Variants in NEB observed in about 807,000 individuals in gnomAD.
NEB encodes nemaline myopathy type 2.
Under a neutral mutation model 952.2 loss-of-function variants are expected in NEB, and 512 were observed. That is an observed-to-expected ratio of 0.54 (90% CI 0.50 to 0.58). The LOEUF is 0.58. Ranked by LOEUF, NEB falls within the 20% of genes least tolerant of loss-of-function variation. The pLI is 0.00. For missense variants in NEB, 8,428 were observed against 9,231.1 expected (o/e 0.91, Z 3.56); for synonymous variants, 2,900 against 3,149.8 (o/e 0.92, Z 2.66).
rs776095941 is a variant in NEB, at chr2:151,570,355, T to A, written c.17156A>T (p.His5719Leu). ...YKLDHEKQKG[H>L]YVGTLTARDD... ...CCTGGCTGTGAGGGTGCCCACGTAG[T>A]GTCCCTTCTGCTTCTCATGGTCAAG... The change falls in exon 109 of 182, where the codon CAC (histidine) becomes CTC (leucine). Residue 5719 changes from histidine (H) to leucine (L), a missense_variant. By Grantham distance (99) the His-to-Leu change is moderately conservative (BLOSUM62 -3). This residue lies in a region of NEB where 3,374 missense variants were observed against 3,651.5 expected (regional missense o/e 0.92). Transcript: ENST00000397345. The A allele has an allele frequency of 1.1e-5, 17 of 1,593,284 alleles. No homozygotes were observed. The highest frequency in any genetic ancestry group is 1.7e-5 in the Admixed American group (1 of 57,928).
At chr2:151,564,902 A>C in intron 117 of NEB, 142 bp downstream of exon 117, 1 of 538,582 alleles carries the variant, frequency 1.9e-6, no homozygotes, top group Non-Finnish European at 3.3e-6. Context: ...TGGTACTTCT[A>C]ATACACAAGA....
At chr2:151,497,264 T>C in intron 171 of NEB, 1 of 911,488 alleles carries the variant, frequency 1.1e-6, no homozygotes, top group Non-Finnish European at 1.3e-6. Context: ...GGAAAGGCTG[T>C]CAGAGTTATC....
intron 109 of NEB, among the ~76,000 whole-genome samples, chr2:151,569,627 C>G (rs1417713806): frequency 6.6e-6 from 1 of 152,144 alleles, no homozygotes; most frequent in African/African-American, 2.4e-5. Flanking sequence ...TAATTCAGAG[C>G]TGTGTCCTCT....
intron 135 of NEB, among the ~76,000 whole-genome samples, chr2:151,544,513 G>A (rs1024786983): frequency 3.3e-5 from 5 of 152,212 alleles, no homozygotes; most frequent in African/African-American, 1.2e-4. Flanking sequence ...ATATTCCACA[G>A]GTGATTCTCA....
Position 151,723,389 on chromosome 2 carries a change from A to G in NEB, c.710T>C (p.Leu237Pro). 6.2e-7 allele frequency: 1 copy of G among 1,606,448 alleles called. No individual in the cohort carries two copies. The highest frequency in any genetic ancestry group is 8.5e-7 in the Non-Finnish European group (1 of 1,176,128). ...CACTTGCATTTCACTTACATCACTGAGAGCTTTCTGGGCCTGGGCAACTCT... is the reference window on the plus strand; with the variant it reads ...CACTTGCATTTCACTTACATCACTGGGAGCTTTCTGGGCCTGGGCAACTCT... ...LRRVAQAQKA[L>P]SDVAYKKGLA... The change falls in exon 9 of 182, where the codon CTC becomes CCC. Residue 237 changes from leucine to proline, a missense_variant. Around this residue, in one of 11 missense-constraint regions of NEB, gnomAD observed 2,851 missense variants for 2,791.5 expected, o/e 1.02. Transcript: ENST00000397345.
chr2:151,661,140 T>C (rs1340197294), intron 46 of NEB, among the ~76,000 whole-genome samples: 2 of 152,200 alleles, frequency 1.3e-5, no homozygotes, highest in Non-Finnish European at 2.9e-5. Flanking sequence ...TTCAACTTGA[T>C]GGTCATCAAG....
At chr2:151,679,614 C>T (rs749757964) in intron 32 of NEB, 107 bp downstream of exon 32, 5 of 695,688 alleles carry the variant, frequency 7.2e-6, no homozygotes, top group South Asian at 3.8e-5. Flanking sequence ...ATCAGATTTG[C>T]TTCCAATTGG....
At chr2:151,695,543 A>G (rs2099589820) in intron 18 of NEB, 35 bp downstream of exon 18, 1 of 1,456,142 alleles carries the variant, frequency 6.9e-7, no homozygotes, top group Non-Finnish European at 9.6e-7. Context: ...ACAGGTTGTC[A>G]GTACATCACA....
rs1392812554 is a variant in NEB, at chr2:151,576,162, T to A, written c.16897A>T (p.Asn5633Tyr). 6.3e-7 allele frequency: 1 copy of A among 1,597,076 alleles called. No homozygotes were observed. The highest frequency in any genetic ancestry group is 1.1e-5 in the South Asian group (1 of 87,696). The change falls in exon 106 of 182, where the codon AAT becomes TAT. Residue 5633 changes from asparagine (N) to tyrosine (Y), a missense_variant. By Grantham distance (143) the Asn-to-Tyr change is moderately radical (BLOSUM62 -2). Transcript: ENST00000397345. ...EVVLAKSNAENISIPKYREVW... is the reference protein window; with the variant it reads ...EVVLAKSNAEYISIPKYREVW... The stretch of plus-strand genomic sequence containing the variant: ...AAAAACTAACTCACAATACTAATAT[T>A]TTCAGCATTTGATTTAGCAAGGACC...
rs201498216 is a variant in NEB, at chr2:151,688,341, T to C, written c.2366A>G (p.Asp789Gly). Reference sequence around the variant, plus strand: ...TCTGTGTTGGATAAACTGTGGAGCATCTGCTGGTATATGGCACTTGAACTT... The same window carrying C: ...TCTGTGTTGGATAAACTGTGGAGCACCTGCTGGTATATGGCACTTGAACTT... ...GEKFKCHIPA[D>G]APQFIQHRVN... is the part of the protein sequence containing the mutation. The change falls in exon 25 of 182, where the codon GAT (aspartate) becomes GGT (glycine). Residue 789 changes from aspartate to glycine, a missense_variant. Coordinates refer to ENST00000397345, the MANE Select transcript of NEB (RefSeq NM_001164508.2). The C allele has an allele frequency of 6.2e-7, 1 of 1,613,858 alleles. No homozygotes were observed. The highest frequency in any genetic ancestry group is 8.5e-7 in the Non-Finnish European group (1 of 1,179,866).
At chr2:151,732,152 T>C (rs1039517417) in intron 3 of NEB, among the ~76,000 whole-genome samples, 8 of 152,152 alleles carry the variant, frequency 5.3e-5, no homozygotes, top group African/African-American at 1.9e-4. Flanking sequence ...AGCACAGATT[T>C]TCAAAACTGC....
intron 52 of NEB, 46 bp downstream of exon 52, chr2:151,653,946 G>T: frequency 7.8e-7 from 1 of 1,274,286 alleles, no homozygotes; most frequent in Non-Finnish European, 1.1e-6. Flanking sequence ...TAAGTCACCT[G>T]ATTCAGATAA....
At chr2:151,575,835 C>A in intron 106 of NEB, 36 bp from the exon 107 acceptor site, 1 of 1,392,742 alleles carries the variant, frequency 7.2e-7, no homozygotes, top group South Asian at 1.2e-5. Context: ...AATTACTTCA[C>A]AATTTTCATG....
intron 129 of NEB, 21 bp from the exon 130 acceptor site, chr2:151,549,761 A>T: frequency 7.0e-7 from 1 of 1,437,804 alleles, no homozygotes; most frequent in Non-Finnish European, 9.6e-7. Context: ...GAGGAAGAGC[A>T]GGTTAAATGA....
chr2:151,541,554 A>T lies in NEB; in HGVS notation c.20578-3T>A. The T allele has an allele frequency of 6.2e-7, 1 of 1,609,868 alleles. No individual in the cohort carries two copies. The highest frequency in any genetic ancestry group is 1.3e-5 in the African/African-American group (1 of 74,900). On this transcript the variant is annotated splice_polypyrimidine_tract_variant and splice_region_variant and intron_variant, in intron 135 of 181. Transcript: ENST00000397345. ...TTGCCTGCAGCTCTGTAGACCAGCT[A>T]GACATAAACCAAGTTATCACCATCA...
chr2:151,541,452 T>G lies in NEB; in HGVS notation c.20677A>C (p.Ser6893Arg). The G allele has an allele frequency of 6.2e-7, 1 of 1,611,554 alleles. No homozygotes were observed. The highest frequency in any genetic ancestry group is 8.5e-7 in the Non-Finnish European group (1 of 1,178,504). ...LRAKRGQKLQSQYLYVELATK... is the reference protein window; with the variant it reads ...LRAKRGQKLQRQYLYVELATK... ...TTATGAACCTCTGAGCTTACCTGAC[T>G]CTGAAGCTTCTGCCCTCGCTTGGCT... The change falls in exon 136 of 182, where the codon AGT (serine) becomes CGT (arginine). Residue 6893 changes from serine (S) to arginine (R), a missense_variant. Physicochemically the swap from Ser to Arg is moderately radical, Grantham distance 110. Transcript: ENST00000397345.
intron 81 of NEB, 65 bp downstream of exon 81, chr2:151,609,744 C>T: frequency 6.8e-7 from 1 of 1,477,486 alleles, no homozygotes; most frequent in East Asian, 2.3e-5. Flanking sequence ...CTCAGAGGCA[C>T]TGACTGGGCA....
chr2:151,637,601 C>T (rs1295320585), intron 63 of NEB, among the ~76,000 whole-genome samples: 4 of 152,172 alleles, frequency 2.6e-5, no homozygotes, highest in East Asian at 1.9e-4. Flanking sequence ...ACCTGGGCCT[C>T]CTGGGACTGG....
chr2:151,571,071 T>C (rs1049884837), intron 107 of NEB, among the ~76,000 whole-genome samples: 2 of 152,180 alleles, frequency 1.3e-5, no homozygotes, highest in African/African-American at 2.4e-5. Flanking sequence ...AATGGCACCA[T>C]CTCGGCTCAC....
Sources: gnomAD v4.1 joint callset for allele counts (sites outside exome capture counted in the v4.1 genomes callset) on GRCh38, gnomAD v4.1.1 for gene constraint, gnomAD v4.1.1 regional missense constraint, MANE v1.5 for transcripts, NCBI Gene and HGNC (gene_info 2026-07-23, HGNC 2026-07-21) for gene names.